Variants in SIL1 observed in about 807,000 individuals in gnomAD.
The protein encoded by SIL1 is nucleotide exchange factor SIL1.
SIL1 carries 40 observed loss-of-function variants against 49.1 expected under a neutral mutation model. The ratio of observed to expected loss-of-function variants is 0.81; its 90% confidence interval spans 0.63 to 1.06. The LOEUF (loss-of-function observed/expected upper bound fraction) is 1.06, where lower values mean the gene tolerates loss of function less well. Ranked by LOEUF, SIL1 falls within the 50% of genes least tolerant of loss-of-function variation. The pLI, the probability that SIL1 is intolerant of heterozygous loss-of-function variation, is 0.00. For synonymous variants in SIL1, 253 were observed against 250.8 expected (o/e 1.01, Z -0.08); for missense variants, 500 against 572.6 (o/e 0.87, Z 1.29).
chr5:139,119,079 G>A (rs1280543576), intron 3 of SIL1, among the ~76,000 whole-genome samples: 8 of 152,208 alleles, frequency 5.3e-5, no homozygotes, highest in Non-Finnish European at 1.0e-4. Flanking sequence ...GGAATTTTGT[G>A]CAGAAGAGTT....
chr5:138,966,086 G>A (rs897570722), intron 7 of SIL1, among the ~76,000 whole-genome samples: 12 of 152,002 alleles, frequency 7.9e-5, no homozygotes, highest in Non-Finnish European at 1.3e-4. Context: ...TGAGGCTACC[G>A]AGGATTAAAT....
chr5:139,124,064 A>G (rs1022620385), intron 2 of SIL1, among the ~76,000 whole-genome samples: 1 of 152,072 alleles, frequency 6.6e-6, no homozygotes, highest in Admixed American at 6.6e-5. Context: ...TCCTTGTTTC[A>G]GTTTACCTAT....
chr5:138,953,694 A>G (rs75060853), intron 7 of SIL1, among the ~76,000 whole-genome samples: 2 of 57,706 alleles, frequency 3.5e-5, no homozygotes, highest in African/African-American at 9.8e-5. Context: ...CCTGCCCCCC[A>G]CGACTTGAGA....
rs1424070586 is a variant in SIL1 at position 139,009,208 on chromosome 5, AT to A, written c.767+11962del. On this transcript the variant is annotated intron_variant, in intron 7 of 9. Coordinates refer to ENST00000394817, the MANE Select transcript of SIL1 (RefSeq NM_022464.5). ...TTCTTGTTGAATTGATCCCTTTACC[AT>A]TATGTAATGGCCTTCTTTGTCTCTT... Among the ~76,000 whole-genome samples, 6 of 138,862 alleles carry A rather than the reference AT, an allele frequency of 4.3e-5. No individual in the cohort carries two copies. In the South Asian group the frequency reaches 1.3e-3, roughly 30 times the overall value. The allele number at this position is 138,862 out of a possible 152,430, so 91.1% of individuals were successfully genotyped here. A position where few individuals can be genotyped will look rare whatever the true frequency, so the allele number is the denominator to read the frequency against.
rs557689420 is a variant in SIL1, at chr5:139,058,511, A to G, written c.245-7465T>C. On this transcript the variant is annotated intron_variant, in intron 3 of 9. Coordinates refer to ENST00000394817, the MANE Select transcript of SIL1 (RefSeq NM_022464.5). ...TTGCTACTTCCCTCCTTCTTTACAC[A>G]TTTATTAATTGGGATTTATTTCACT... Among the ~76,000 whole-genome samples, 90 of 152,278 alleles carry G rather than the reference A, an allele frequency of 5.9e-4. No homozygotes were observed. The South Asian group carries it at 0.018, about 31-fold the overall frequency.
At chr5:139,107,466 A>C (rs1056639106) in intron 3 of SIL1, among the ~76,000 whole-genome samples, 2 of 152,252 alleles carry the variant, frequency 1.3e-5, no homozygotes, top group Non-Finnish European at 2.9e-5. Flanking sequence ...AACGTCTTAC[A>C]AAACTATAGG....
chr5:139,112,622 C>A (rs1482814448), intron 3 of SIL1, among the ~76,000 whole-genome samples: 1 of 148,794 alleles, frequency 6.7e-6, no homozygotes, highest in Non-Finnish European at 1.5e-5. Context: ...CCAACCCCTC[C>A]GGGAGGGAGG....
chr5:139,061,285 G>A (rs1769582895), intron 3 of SIL1, among the ~76,000 whole-genome samples: 1 of 152,200 alleles, frequency 6.6e-6, no homozygotes, highest in Non-Finnish European at 1.5e-5. Flanking sequence ...ACGAAGACAG[G>A]CCAACTGGAA....
chr5:139,196,990 C>A (rs968288778), intron 1 of SIL1, among the ~76,000 whole-genome samples: 4 of 152,156 alleles, frequency 2.6e-5, no homozygotes, highest in Non-Finnish European at 4.4e-5. Flanking sequence ...GTTTATATGC[C>A]AGGCGAGGTG....
intron 1 of SIL1, among the ~76,000 whole-genome samples, chr5:139,145,902 T>TA (rs1751186708): frequency 1.3e-5 from 2 of 149,214 alleles, no homozygotes; most frequent in Admixed American, 6.7e-5. Flanking sequence ...TCTTAAAAAA[T>TA]AAATAAAAAA....
intron 1 of SIL1, among the ~76,000 whole-genome samples, chr5:139,169,130 T>C (rs1561888105): frequency 1.3e-5 from 2 of 152,254 alleles, no homozygotes; most frequent in Admixed American, 6.5e-5. Context: ...GTACTCCTGA[T>C]TGGACAACAT....
intron 3 of SIL1, among the ~76,000 whole-genome samples, chr5:139,091,302 G>A (rs1268653204): frequency 6.6e-6 from 1 of 151,914 alleles, no homozygotes; most frequent in Non-Finnish European, 1.5e-5. Flanking sequence ...TAAAGTATCT[G>A]CAATTTAATA....
intron 1 of SIL1, among the ~76,000 whole-genome samples, chr5:139,140,494 A>G (rs1470420807): frequency 2.0e-5 from 3 of 152,190 alleles, no homozygotes; most frequent in African/African-American, 7.2e-5. Flanking sequence ...TATTTTTAAC[A>G]TGCCTGAGAG....
At chr5:139,076,813 A>G (rs1424180826) in intron 3 of SIL1, among the ~76,000 whole-genome samples, 1 of 152,142 alleles carries the variant, frequency 6.6e-6, no homozygotes, top group African/African-American at 2.4e-5. Context: ...CTGAGCAACA[A>G]AAGAGTCACC....
intron 1 of SIL1, chr5:139,137,616 G>T (rs1238613644): frequency 2.2e-5 from 7 of 314,132 alleles, no homozygotes; most frequent in Non-Finnish European, 4.1e-5. Context: ...TGCAATGTTG[G>T]TGTGCTGCAC....
At position 139,099,830 on chromosome 5, in the gene SIL1, A is replaced by T. The variant is rs116380526; in HGVS notation, c.244+21205T>A. ...GAGATAGGGATGGTTAATGGATATTAAAAAAATAGAAAGAATAAGTAAGAC... is the reference window on the plus strand; with the variant it reads ...GAGATAGGGATGGTTAATGGATATTTAAAAAATAGAAAGAATAAGTAAGAC... On this transcript the variant is annotated intron_variant, in intron 3 of 9. Transcript: ENST00000394817. Among the ~76,000 whole-genome samples the T allele has an allele frequency of 2.8e-3, 421 of 152,272 alleles. 2 individuals are homozygous for T. Among genetic ancestry groups the T allele is most frequent in the African/African-American group, 9.4e-3 (391 of 41,548 alleles).
chr5:139,179,014 A>G (rs918116013), intron 1 of SIL1, among the ~76,000 whole-genome samples: 1 of 152,066 alleles, frequency 6.6e-6, no homozygotes, highest in Non-Finnish European at 1.5e-5. Context: ...TTCTCTCCCA[A>G]ATTTCTTACA....
chr5:139,095,784 T>C (rs1770449286), intron 3 of SIL1, among the ~76,000 whole-genome samples: 1 of 151,850 alleles, frequency 6.6e-6, no homozygotes, highest in Non-Finnish European at 1.5e-5. Flanking sequence ...GTCGTGACTG[T>C]GCCACTGCAC....
intron 7 of SIL1, among the ~76,000 whole-genome samples, chr5:138,986,872 C>A (rs541057450): frequency 6.6e-6 from 1 of 152,218 alleles, no homozygotes; most frequent in African/African-American, 2.4e-5. Flanking sequence ...ATTTTAACTT[C>A]AAACTTCTTG....
Sources: allele counts gnomAD v4.1 joint callset (sites outside exome capture counted in the v4.1 genomes callset), GRCh38; gene constraint gnomAD v4.1.1; transcripts MANE v1.5; gene names NCBI Gene and HGNC (gene_info 2026-07-23, HGNC 2026-07-21).